Variants in PHTF1 observed in about 807,000 individuals in gnomAD.
The protein encoded by PHTF1 is putative homeodomain transcription factor 1.
Under a neutral mutation model 102.4 loss-of-function variants are expected in PHTF1, and 88 were observed. The observed-to-expected ratio is 0.86, with a 90% confidence interval of 0.72 to 1.03. PHTF1 has a LOEUF of 1.03. PHTF1 is among the 50% of genes least tolerant of loss of function. The pLI is 0.00. For synonymous variants in PHTF1, 289 were observed against 305.2 expected (o/e 0.95, Z 0.55); for missense variants, 814 against 909.5 (o/e 0.89, Z 1.35).
intron 15 of PHTF1, among the ~76,000 whole-genome samples, chr1:113,701,598 G>A (rs952344408): frequency 2.0e-5 from 3 of 151,720 alleles, no homozygotes; most frequent in African/African-American, 4.8e-5. Context: ...TCTCCATCTC[G>A]CTTCCCCCAG....
At chr1:113,757,580 C>A in intron 3 of PHTF1, 119 bp downstream of exon 3, 1 of 703,002 alleles carries the variant, frequency 1.4e-6, no homozygotes, top group Non-Finnish European at 2.5e-6. Context: ...TTTCTTATAA[C>A]CTTCAAAGAT....
chr1:113,713,648 CAT>C (rs1651517449), intron 7 of PHTF1: 1 of 495,830 alleles, frequency 2.0e-6, no homozygotes, highest in African/African-American at 2.0e-5. Context: ...TTCAAAGACT[CAT>C]GTCAATTAAC....
chr1:113,710,772 G>A (rs1174939636), intron 10 of PHTF1, among the ~76,000 whole-genome samples: 1 of 147,558 alleles, frequency 6.8e-6, no homozygotes, highest in Admixed American at 6.7e-5. Flanking sequence ...GGCACTACAG[G>A]TGCATACCAT....
intron 5 of PHTF1, among the ~76,000 whole-genome samples, chr1:113,736,806 C>T (rs187672101): frequency 1.8e-4 from 28 of 152,256 alleles, no homozygotes; most frequent in African/African-American, 6.7e-4. Context: ...TGTCTACAGC[C>T]AGCACGAGCA....
intron 3 of PHTF1, among the ~76,000 whole-genome samples, chr1:113,742,210 G>A (rs1185857762): frequency 6.6e-6 from 1 of 152,142 alleles, no homozygotes; most frequent in Non-Finnish European, 1.5e-5. Context: ...TAGGCTATAT[G>A]GCAGCCTATT....
chr1:113,738,602 CTGAATGA>C (rs1655879237), intron 4 of PHTF1, 121 bp downstream of exon 4: 2 of 647,030 alleles, frequency 3.1e-6, no homozygotes, highest in South Asian at 4.5e-5. Flanking sequence ...GTGCTAAAGC[CTGAATGA>C]TGAGAGTAAA....
chr1:113,732,356 C>T (rs1188309053), intron 5 of PHTF1, among the ~76,000 whole-genome samples: 1 of 152,004 alleles, frequency 6.6e-6, no homozygotes, highest in Admixed American at 6.6e-5. Context: ...ATTTGTTGGG[C>T]GTAGTGGCAT....
intron 3 of PHTF1, among the ~76,000 whole-genome samples, chr1:113,746,694 G>A (rs971788325): frequency 1.1e-4 from 16 of 152,098 alleles, no homozygotes; most frequent in Admixed American, 1.3e-4. Context: ...TCTACCTATC[G>A]CATATGGAAA....
intron 17 of PHTF1, chr1:113,698,768 T>C: frequency 5.1e-6 from 1 of 197,684 alleles, no homozygotes. Context: ...AGGTCAGCAT[T>C]TTGAATCTAC....
intron 7 of PHTF1, 84 bp from the exon 8 acceptor site, chr1:113,713,522 T>C (rs1651501082): frequency 4.2e-6 from 3 of 711,420 alleles, no homozygotes; most frequent in Admixed American, 2.9e-5. Flanking sequence ...GAATACGCTA[T>C]ATTATTCTGG....
chr1:113,747,440 A>G (rs1657419130), intron 3 of PHTF1, among the ~76,000 whole-genome samples: 1 of 152,022 alleles, frequency 6.6e-6, no homozygotes, highest in African/African-American at 2.4e-5. Flanking sequence ...TTCTATATCA[A>G]TTTTCTGTCC....
At chr1:113,736,341 C>CAAA (rs57050485) in intron 5 of PHTF1, among the ~76,000 whole-genome samples, 1 of 60,700 alleles carries the variant, frequency 1.6e-5, no homozygotes, top group African/African-American at 6.1e-5. Flanking sequence ...GACTCCATCT[C>CAAA]AAAAAAAAAA....
intron 5 of PHTF1, among the ~76,000 whole-genome samples, chr1:113,734,182 C>A (rs867780766): frequency 3.9e-4 from 60 of 152,254 alleles, no homozygotes; most frequent in Middle Eastern, 3.4e-3. Flanking sequence ...ATCACTTGAA[C>A]CTGGGAGGCG....
At chr1:113,738,625 A>G (rs1655883479) in intron 4 of PHTF1, 105 bp downstream of exon 4, 1 of 724,642 alleles carries the variant, frequency 1.4e-6, no homozygotes, top group Non-Finnish European at 2.3e-6. Context: ...GTAAAGTGTT[A>G]CATTTAGAAA....
chr1:113,738,363 ATCAGCACAAAACCTGT>A (rs1458888199), intron 4 of PHTF1, 95 bp from the exon 5 acceptor site: 1 of 880,642 alleles, frequency 1.1e-6, no homozygotes, highest in African/African-American at 1.7e-5. Context: ...GAGTGCAAAA[ATCAGCACAAAACCTGT>A]TCAGTTAAAA....
chr1:113,700,004 G>T, intron 16 of PHTF1: 1 of 947,630 alleles, frequency 1.1e-6, no homozygotes, highest in Non-Finnish European at 1.4e-6. Flanking sequence ...ATTTAGTGAT[G>T]AAAAATTAAT....
intron 3 of PHTF1, among the ~76,000 whole-genome samples, chr1:113,750,542 G>GT (rs1199169030): frequency 2.0e-5 from 3 of 152,050 alleles, no homozygotes; most frequent in South Asian, 2.1e-4. Flanking sequence ...CTTAGCAAAT[G>GT]TATCTCAAAC....
Position 113,726,448 on chromosome 1 carries a change from G to A in PHTF1, c.458C>T (p.Pro153Leu), listed in dbSNP as rs1167753014. The A allele has an allele frequency of 6.2e-7, 1 of 1,609,004 alleles. No individual in the cohort carries two copies. Among genetic ancestry groups the A allele is most frequent in the Non-Finnish European group, 8.5e-7 (1 of 1,177,900 alleles). ...CQIVSTQITR[P>L]SGNNGNRRRR... ...TCTTCGATTTCCATTGTTTCCTGAT[G>A]GTCTTGTTATCTGAGTAGACACAAT... The change falls in exon 6 of 19, where the codon CCA becomes CTA. Residue 153 changes from proline to leucine, a missense_variant. By Grantham distance (98) the Pro-to-Leu change is moderately conservative (BLOSUM62 -3). Transcript: ENST00000369604.
chr1:113,706,692 G>T lies in PHTF1; in HGVS notation c.1300C>A (p.Pro434Thr), dbSNP rs1283859900. 1 of 1,607,796 alleles carries T rather than the reference G, an allele frequency of 6.2e-7. No homozygotes were observed. The highest frequency in any genetic ancestry group is 1.7e-5 in the Admixed American group (1 of 59,190). ...NHLFWLQNSS[P>T]SSDRVSAIIW... ...ATTGCACTAACTCGATCAGAGGAAG[G>T]ACTTGAATTCTGAAGCCAGAATAAA... The change falls in exon 12 of 19, where the codon CCT (proline) becomes ACT (threonine). Residue 434 changes from proline (P) to threonine (T), a missense_variant. Coordinates refer to ENST00000369604, the MANE Select transcript of PHTF1 (RefSeq NM_001323043.2).
Sources: allele counts gnomAD v4.1 joint callset (sites outside exome capture counted in the v4.1 genomes callset), GRCh38; gene constraint gnomAD v4.1.1; transcripts MANE v1.5; gene names NCBI Gene and HGNC (gene_info 2026-07-23, HGNC 2026-07-21).